The following KIT variants were observed in gnomAD, a reference collection of about 807,000 sequenced individuals.
KIT encodes KIT proto-oncogene, receptor tyrosine kinase.
In KIT, 16 loss-of-function variants were observed where a neutral mutation model predicts 105.7. The observed-to-expected ratio is 0.15, with a 90% CI of 0.10 to 0.23. KIT has a LOEUF of 0.23. Among genes scored for constraint, KIT ranks in the 10% least tolerant of loss-of-function variants. The pLI, the probability that KIT is intolerant of heterozygous loss-of-function variation, is 1.00. For synonymous variants in KIT, 438 were observed against 441.1 expected (o/e 0.99, Z 0.09); for missense variants, 858 against 1,213.8 (o/e 0.71, Z 4.36).
intron 7 of KIT, among the ~76,000 whole-genome samples, chr4:54,719,364 A>G (rs1368270879): frequency 6.6e-6 from 1 of 152,186 alleles, no homozygotes; most frequent in Non-Finnish European, 1.5e-5. Context: ...CTTGCTTTCC[A>G]CATGGACTGG....
intron 1 of KIT, among the ~76,000 whole-genome samples, chr4:54,687,915 G>A (rs1304925168): frequency 6.6e-6 from 1 of 152,166 alleles, no homozygotes; most frequent in Non-Finnish European, 1.5e-5. Flanking sequence ...GCACAAGGCT[G>A]TGAGCTCCCC....
At chr4:54,699,348 T>A (rs1720297848) in intron 3 of KIT, among the ~76,000 whole-genome samples, 2 of 152,122 alleles carry the variant, frequency 1.3e-5, no homozygotes, top group Non-Finnish European at 2.9e-5. Flanking sequence ...AAGCAGCTTC[T>A]CTATGCTAGG....
chr4:54,725,695 C>T (rs1722173958), intron 8 of KIT, among the ~76,000 whole-genome samples, 162 bp from the exon 9 acceptor site: 1 of 152,218 alleles, frequency 6.6e-6, no homozygotes, highest in Non-Finnish European at 1.5e-5. Flanking sequence ...TTTTTTCACT[C>T]ACTAGGTCAC....
At chr4:54,662,800 T>TCGA (rs1409373750) in intron 1 of KIT, among the ~76,000 whole-genome samples, 1 of 152,152 alleles carries the variant, frequency 6.6e-6, no homozygotes, top group Non-Finnish European at 1.5e-5. Flanking sequence ...CTCGAACCCC[T>TCGA]GACCTCAGGT....
intron 17 of KIT, among the ~76,000 whole-genome samples, chr4:54,734,051 AAG>A (rs1722772058): frequency 6.6e-6 from 1 of 152,048 alleles, no homozygotes; most frequent in Non-Finnish European, 1.5e-5. Context: ...TTGGTTTTGT[AAG>A]AGTGTTTCTG....
At chr4:54,663,570 G>A (rs952007099) in intron 1 of KIT, among the ~76,000 whole-genome samples, 2 of 150,604 alleles carry the variant, frequency 1.3e-5, no homozygotes, top group Non-Finnish European at 3.0e-5. Context: ...GGTAATGCAT[G>A]TTTATCTGCT....
At chr4:54,671,886 T>C (rs1217552205) in intron 1 of KIT, among the ~76,000 whole-genome samples, 2 of 152,212 alleles carry the variant, frequency 1.3e-5, no homozygotes, top group East Asian at 3.8e-4. Flanking sequence ...CTTCCCATTA[T>C]TGGGAAGCAT....
chr4:54,670,441 A>C (rs180936512), intron 1 of KIT, among the ~76,000 whole-genome samples: 1 of 152,212 alleles, frequency 6.6e-6, no homozygotes, highest in East Asian at 1.9e-4. Flanking sequence ...AGGCTTTGCT[A>C]TAAAGTCCTG....
intron 17 of KIT, among the ~76,000 whole-genome samples, chr4:54,733,555 G>A (rs567025739): frequency 6.6e-6 from 1 of 152,210 alleles, no homozygotes; most frequent in South Asian, 2.1e-4. Context: ...GGCATGCCGT[G>A]TGAAAAATAT....
At chr4:54,692,153 C>T (rs1002583096) in intron 1 of KIT, among the ~76,000 whole-genome samples, 1 of 152,200 alleles carries the variant, frequency 6.6e-6, no homozygotes, top group Admixed American at 6.5e-5. Flanking sequence ...TGAGTAGGAA[C>T]TTGCCTCAGG....
intron 7 of KIT, among the ~76,000 whole-genome samples, chr4:54,715,735 G>T (rs1322426641): frequency 1.3e-5 from 2 of 152,132 alleles, no homozygotes; most frequent in African/African-American, 4.8e-5. Flanking sequence ...CATGAGATTT[G>T]AAGGGGACAA....
At chr4:54,683,685 G>C (rs1057451802) in intron 1 of KIT, among the ~76,000 whole-genome samples, 1 of 152,192 alleles carries the variant, frequency 6.6e-6, no homozygotes, top group East Asian at 1.9e-4. Flanking sequence ...AGCTTGAGTC[G>C]TTGCTGCTGG....
At chr4:54,675,851 A>C (rs1029455953) in intron 1 of KIT, among the ~76,000 whole-genome samples, 1 of 152,164 alleles carries the variant, frequency 6.6e-6, no homozygotes, top group Non-Finnish European at 1.5e-5. Flanking sequence ...GATGTAGTGC[A>C]CCAGATTGAG....
intron 1 of KIT, among the ~76,000 whole-genome samples, chr4:54,681,058 T>A (rs908097029): frequency 2.0e-5 from 3 of 152,148 alleles, no homozygotes; most frequent in African/African-American, 7.2e-5. Context: ...TCTTTTGACC[T>A]GTTTCTTTTT....
chr4:54,669,223 TGC>T (rs1717929102), intron 1 of KIT, among the ~76,000 whole-genome samples: 3 of 147,164 alleles, frequency 2.0e-5, no homozygotes, highest in African/African-American at 7.5e-5. Context: ...CCCCCCCCCT[TGC>T]TTTTTTAAAA....
At chr4:54,721,955 G>GTAGA (rs1257008570) in intron 7 of KIT, among the ~76,000 whole-genome samples, 1 of 152,096 alleles carries the variant, frequency 6.6e-6, no homozygotes, top group East Asian at 1.9e-4. Context: ...TCCAAGAAAG[G>GTAGA]TAGATATTCT....
At chr4:54,681,445 A>G (rs1285802824) in intron 1 of KIT, among the ~76,000 whole-genome samples, 2 of 152,132 alleles carry the variant, frequency 1.3e-5, no homozygotes, top group African/African-American at 4.8e-5. Flanking sequence ...ATGGCAGAGA[A>G]AGGTTTCCTC....
At chr4:54,705,874 C>A (rs953117405) in intron 5 of KIT, among the ~76,000 whole-genome samples, 3 of 151,990 alleles carry the variant, frequency 2.0e-5, no homozygotes, top group African/African-American at 7.3e-5. Context: ...AGAGGGATAC[C>A]CTGTTTCAAA....
rs2109779389 is a variant in KIT, at chr4:54,727,838, C to T, written c.1790C>T (p.Ala597Val). 1 of 1,612,842 alleles carries T rather than the reference C, an allele frequency of 6.2e-7. No homozygotes were observed. The highest frequency in any genetic ancestry group is 2.2e-5 in the East Asian group (1 of 44,872). Residue 597 changes from alanine to valine, a missense_variant, in exon 12 of 21, where the codon GCT becomes GTT. Around this residue, in one of 7 missense-constraint regions of KIT, gnomAD observed 7 missense variants for 36.9 expected, o/e 0.19. Coordinates refer to ENST00000288135, the MANE Select transcript of KIT (RefSeq NM_000222.3). ...NRLSFGKTLG[A>V]GAFGKVVEAT... ...CTTCCTACAGGGAAAACCCTGGGTG[C>T]TGGAGCTTTCGGGAAGGTTGTTGAG...
Sources: gnomAD v4.1 joint callset for allele counts (sites outside exome capture counted in the v4.1 genomes callset) on GRCh38, gnomAD v4.1.1 for gene constraint, gnomAD v4.1.1 regional missense constraint, MANE v1.5 for transcripts, NCBI Gene and HGNC (gene_info 2026-07-23, HGNC 2026-07-21) for gene names.